SMIM13: variants seen among roughly 807,000 people sequenced by gnomAD.
The protein encoded by SMIM13 is UPF0766 protein C6orf228.
In SMIM13, 3 loss-of-function variants were observed where a neutral mutation model predicts 5.9. The observed-to-expected ratio is 0.51, with a 90% CI of 0.23 to 1.31. The LOEUF is 1.31. Among genes scored for constraint, SMIM13 ranks in the 40% most tolerant of loss-of-function variants. SMIM13 has a pLI of 0.18. For synonymous variants in SMIM13, 55 were observed against 46.0 expected, an observed-to-expected ratio of 1.19 and a Z score of -0.79; for missense variants, 85 against 109.9, an observed-to-expected ratio of 0.77 and a Z score of 1.01.
chr6:11,112,004 C>T (rs1464293242), intron 1 of SMIM13, among the ~76,000 whole-genome samples: 1 of 152,152 alleles, frequency 6.6e-6, no homozygotes, highest in Non-Finnish European at 1.5e-5. Flanking sequence ...TGCCCAGCTT[C>T]GGAGATCTTA....
At chr6:11,114,589 T>C (rs1413339266) in intron 1 of SMIM13, among the ~76,000 whole-genome samples, 2 of 131,858 alleles carry the variant, frequency 1.5e-5, no homozygotes, top group African/African-American at 2.9e-5. Context: ...ATGCACTTTT[T>C]CTCTTTTTTT....
At chr6:11,112,258 C>CT (rs573096581) in intron 1 of SMIM13, among the ~76,000 whole-genome samples, 3,166 of 145,562 alleles carry the variant, frequency 0.022, 47 homozygotes, top group South Asian at 0.052. Context: ...GAACTGCTTG[C>CT]TTTTTTTTTT....
intron 1 of SMIM13, among the ~76,000 whole-genome samples, chr6:11,113,239 C>T (rs979383157): frequency 6.6e-6 from 1 of 152,212 alleles, no homozygotes; most frequent in Admixed American, 6.5e-5. Flanking sequence ...CAAACATTTG[C>T]ATTGCCAGCA....
In SMIM13 at chr6:11,121,578, C is replaced by T. The variant is rs910007811; in HGVS notation, c.77-12825C>T. On this transcript the variant is annotated intron_variant, in intron 1 of 1. Transcript: ENST00000416247. ...ATACAGGTGCCTCTCCCCCTCCCAA[C>T]ACACACACCTGCATACACACCCCTC... 3.9e-5 allele frequency among the ~76,000 whole-genome samples: 6 copies of T among 152,262 alleles called. No individual in the cohort carries two copies. The East Asian group carries it at 7.7e-4, about 20-fold the overall frequency.
chr6:11,104,411 A>G (rs1415256534), intron 1 of SMIM13: 1 of 1,551,698 alleles, frequency 6.4e-7, no homozygotes, highest in South Asian at 1.2e-5. Context: ...ACTGGCCACA[A>G]ATATAAAAGG....
At position 11,122,871 on chromosome 6, in the gene SMIM13, C is replaced by G. The variant is rs147008621; in HGVS notation, c.77-11532C>G. On this transcript the variant is annotated intron_variant, in intron 1 of 1. Coordinates refer to ENST00000416247, the MANE Select transcript of SMIM13 (RefSeq NM_001135575.2). ...TAGAGGAGATATCATTACTGGGGAT[C>G]TTTTTCCAGGCTGTTCCCTCTACTC... is the stretch of plus-strand genomic sequence containing the variant. Among the ~76,000 whole-genome samples the G allele has an allele frequency of 2.0e-5, 3 of 152,094 alleles. No homozygotes were observed. The East Asian group carries it at 5.8e-4, about 29-fold the overall frequency.
intron 1 of SMIM13, among the ~76,000 whole-genome samples, chr6:11,114,541 A>ATT (rs70991085): frequency 0.019 from 2,061 of 106,846 alleles, 20 homozygotes; most frequent in South Asian, 0.037. Context: ...TGGATATTGG[A>ATT]TTTTTTTTTT....
intron 1 of SMIM13, among the ~76,000 whole-genome samples, chr6:11,122,612 G>T (rs1581919021): frequency 6.6e-6 from 1 of 151,748 alleles, no homozygotes; most frequent in East Asian, 1.9e-4. Context: ...ATCTTCTTGT[G>T]ACCCCACCTT....
intron 1 of SMIM13, among the ~76,000 whole-genome samples, chr6:11,122,792 G>T (rs1032209968): frequency 8.6e-5 from 13 of 151,520 alleles, no homozygotes; most frequent in East Asian, 7.7e-4. Context: ...GTTTTTTTTT[G>T]GGGTGGCTCC....
chr6:11,108,549 C>T (rs991671209), intron 1 of SMIM13, among the ~76,000 whole-genome samples: 2 of 152,156 alleles, frequency 1.3e-5, no homozygotes, highest in African/African-American at 4.8e-5. Context: ...CTTGTGTGGC[C>T]TGGCTCCCCA....
chr6:11,121,857 A>G (rs753911049), intron 1 of SMIM13, among the ~76,000 whole-genome samples: 2 of 152,274 alleles, frequency 1.3e-5, no homozygotes, highest in South Asian at 4.1e-4. Flanking sequence ...CTCCTGCAGC[A>G]TTGCTCCACT....
rs184098509 is a variant in SMIM13, at chr6:11,107,588, T to C, written c.76+13199T>C. On this transcript the variant is annotated intron_variant, in intron 1 of 1. Transcript: ENST00000416247. ...TCTCCCACTCAAATGCAAATAGAAA[T>C]TGGGAGGATGGGTCGAGGGGGAGAT... Among the ~76,000 whole-genome samples the C allele has an allele frequency of 3.8e-4, 58 of 152,202 alleles. No individual in the cohort carries two copies. In the South Asian group the frequency reaches 7.9e-3, roughly 21 times the overall value.
At chr6:11,122,756 A>G (rs565193840) in intron 1 of SMIM13, among the ~76,000 whole-genome samples, 97 of 152,308 alleles carry the variant, frequency 6.4e-4, no homozygotes, top group African/African-American at 2.2e-3. Context: ...GTTAGACATT[A>G]TCTAACAAAA....
chr6:11,125,223 A>G, intron 1 of SMIM13, among the ~76,000 whole-genome samples: 1 of 144,144 alleles, frequency 6.9e-6, no homozygotes, highest in Non-Finnish European at 1.5e-5. Context: ...GGTTGCAGGG[A>G]GGCAGAGGTT....
intron 1 of SMIM13, among the ~76,000 whole-genome samples, chr6:11,117,918 T>A (rs1758262869): frequency 1.3e-5 from 2 of 152,180 alleles, no homozygotes; most frequent in African/African-American, 4.8e-5. Flanking sequence ...GTGTTTTCAA[T>A]AGAGATGGAG....
intron 1 of SMIM13, chr6:11,104,549 G>T: frequency 6.3e-7 from 1 of 1,593,210 alleles, no homozygotes; most frequent in Non-Finnish European, 8.6e-7. Context: ...CTAAGACTTG[G>T]ACGCAGGGTG....
chr6:11,134,369 T>C, intron 1 of SMIM13, 34 bp from the exon 2 acceptor site: 1 of 1,496,126 alleles, frequency 6.7e-7, no homozygotes. Context: ...TTGTGTGTAA[T>C]AACTTTTCTT....
intron 1 of SMIM13, among the ~76,000 whole-genome samples, chr6:11,101,784 G>T (rs1430863470): frequency 1.4e-5 from 2 of 147,766 alleles, no homozygotes; most frequent in Non-Finnish European, 3.0e-5. Flanking sequence ...CTGTCGCCCA[G>T]ACTGGAGTGG....
intron 1 of SMIM13, among the ~76,000 whole-genome samples, chr6:11,133,735 C>G (rs1005127387): frequency 1.8e-4 from 25 of 142,688 alleles, no homozygotes; most frequent in Non-Finnish European, 3.0e-5. Flanking sequence ...AAAAACAAAA[C>G]TTGTTTTTTT....
Sources: allele counts gnomAD v4.1 joint callset (sites outside exome capture counted in the v4.1 genomes callset), GRCh38; gene constraint gnomAD v4.1.1; transcripts MANE v1.5; gene names NCBI Gene and HGNC (gene_info 2026-07-23, HGNC 2026-07-21).